Variants in VPS13D observed in about 807,000 individuals in gnomAD.
VPS13D encodes the protein vacuolar protein sorting 13 homolog D, also known as intermembrane lipid transfer protein VPS13D.
VPS13D carries 187 observed loss-of-function variants against 461.9 expected under a neutral mutation model. The ratio of observed to expected loss-of-function variants is 0.40; its 90% CI spans 0.36 to 0.46. The LOEUF is 0.46. Ranked by LOEUF, VPS13D falls within the 20% of genes least tolerant of loss-of-function variation. VPS13D has a pLI of 0.60. For missense variants in VPS13D, 4,711 were observed against 5,364.9 expected (o/e 0.88, Z 3.81); for synonymous variants, 1,951 against 1,986.3 (o/e 0.98, Z 0.47).
intron 63 of VPS13D, among the ~76,000 whole-genome samples, chr1:12,411,194 G>C (rs1022171808): frequency 6.6e-6 from 1 of 152,192 alleles, no homozygotes; most frequent in African/African-American, 2.4e-5. Context: ...TAGAAAACAC[G>C]ATCGTTTACT....
At chr1:12,271,821 T>C (rs1439870876) in intron 17 of VPS13D, among the ~76,000 whole-genome samples, 3 of 152,174 alleles carry the variant, frequency 2.0e-5, no homozygotes, top group African/African-American at 7.2e-5. Context: ...GGTGTGATGA[T>C]TAGGTACTTT....
chr1:12,288,761 T>C (rs1642045305), intron 22 of VPS13D, among the ~76,000 whole-genome samples: 1 of 152,122 alleles, frequency 6.6e-6, no homozygotes, highest in Non-Finnish European at 1.5e-5. Context: ...AGGATATGAC[T>C]GCATCTAGAG....
intron 65 of VPS13D, among the ~76,000 whole-genome samples, chr1:12,427,462 T>A (rs1644937219): frequency 6.6e-6 from 1 of 151,968 alleles, no homozygotes; most frequent in African/African-American, 2.4e-5. Flanking sequence ...ATTCATTAAT[T>A]TAACCAACCA....
At chr1:12,293,967 T>C (rs185238226) in intron 24 of VPS13D, among the ~76,000 whole-genome samples, 25 of 152,376 alleles carry the variant, frequency 1.6e-4, no homozygotes, top group African/African-American at 5.8e-4. Context: ...TTAAGACTTC[T>C]GGTCCCTTTT....
intron 50 of VPS13D, among the ~76,000 whole-genome samples, chr1:12,360,048 C>T (rs1361269519): frequency 6.6e-6 from 1 of 152,162 alleles, no homozygotes; most frequent in African/African-American, 2.4e-5. Flanking sequence ...AGAATTCTTG[C>T]AGAGGCCAGT....
At position 12,355,908 on chromosome 1, in the gene VPS13D, T is replaced by C; in HGVS notation, c.9689T>C (p.Leu3230Pro). Reference sequence around the variant, plus strand: ...TTTGTATCTTCTTTAGGGGTATCACTGGAGAATTTCCCCCTCTGTAAAGAA... The same window carrying C: ...TTTGTATCTTCTTTAGGGGTATCACCGGAGAATTTCCCCCTCTGTAAAGAA... ...TSQNIELGVS[L>P]ENFPLCKELL... Residue 3230 changes from leucine (L) to proline (P), a missense_variant, in exon 48 of 70, where the codon CTG becomes CCG. By Grantham distance (98) the Leu-to-Pro change is moderately conservative. Coordinates refer to ENST00000620676, the MANE Select transcript of VPS13D (RefSeq NM_015378.4). 6.3e-7 allele frequency: 1 copy of C among 1,585,328 alleles called. No individual in the cohort carries two copies. Among genetic ancestry groups the C allele is most frequent in the South Asian group, 1.1e-5 (1 of 88,366 alleles).
intron 23 of VPS13D, 151 bp from the exon 24 acceptor site, chr1:12,293,373 T>C (rs1007753040): frequency 1.3e-5 from 9 of 687,936 alleles, no homozygotes; most frequent in Non-Finnish European, 7.0e-6. Flanking sequence ...AAGGAGTAAT[T>C]ATTAGAGTTT....
chr1:12,419,315 A>G (rs1468386138), intron 65 of VPS13D, among the ~76,000 whole-genome samples: 3 of 152,188 alleles, frequency 2.0e-5, no homozygotes, highest in Non-Finnish European at 4.4e-5. Context: ...TTAATAAGCT[A>G]CTAGTATTGG....
intron 43 of VPS13D, among the ~76,000 whole-genome samples, chr1:12,346,352 C>G (rs942374405): frequency 7.2e-5 from 11 of 152,122 alleles, no homozygotes; most frequent in African/African-American, 2.7e-4. Flanking sequence ...ATGACAGGAC[C>G]AGTTCCCTCA....
chr1:12,392,427 C>T (rs1006342416), intron 60 of VPS13D, among the ~76,000 whole-genome samples: 13 of 150,076 alleles, frequency 8.7e-5, no homozygotes, highest in Non-Finnish European at 1.5e-4. Context: ...TGCAGTGAGC[C>T]GAGACCACTC....
chr1:12,265,619 T>C (rs1160347447), intron 13 of VPS13D, among the ~76,000 whole-genome samples: 2 of 152,204 alleles, frequency 1.3e-5, no homozygotes, highest in African/African-American at 4.8e-5. Context: ...AACAGGAGTT[T>C]GGAAGAAATC....
intron 45 of VPS13D, 53 bp downstream of exon 45, chr1:12,349,026 G>A: frequency 1.2e-6 from 2 of 1,610,670 alleles, no homozygotes; most frequent in Non-Finnish European, 1.7e-6. Context: ...CTTCTTGACT[G>A]TTGTCAAGTC....
At chr1:12,278,680 A>G (rs1253183966) in intron 19 of VPS13D, among the ~76,000 whole-genome samples, 2 of 152,192 alleles carry the variant, frequency 1.3e-5, no homozygotes, top group Non-Finnish European at 2.9e-5. Context: ...AATTTGGTCA[A>G]ATATATCTGA....
intron 39 of VPS13D, chr1:12,337,283 C>G (rs1305061039): frequency 1.3e-5 from 2 of 152,116 alleles, no homozygotes; most frequent in African/African-American, 4.8e-5. Context: ...GATGGTAGTA[C>G]AGTACATTCC....
At chr1:12,372,663 C>T (rs1198567808) in intron 54 of VPS13D, among the ~76,000 whole-genome samples, 2 of 151,808 alleles carry the variant, frequency 1.3e-5, no homozygotes, top group Non-Finnish European at 2.9e-5. Flanking sequence ...TTTCTTTTTA[C>T]TTTTAGATTG....
At chr1:12,281,019 A>T (rs1200761876) in intron 20 of VPS13D, among the ~76,000 whole-genome samples, 1 of 150,834 alleles carries the variant, frequency 6.6e-6, no homozygotes, top group East Asian at 1.9e-4. Flanking sequence ...TGTGCCCATC[A>T]CTCTGATTCC....
At chr1:12,290,721 TA>T (rs753945712) in intron 22 of VPS13D, among the ~76,000 whole-genome samples, 4,655 of 134,930 alleles carry the variant, frequency 0.034, 92 homozygotes, top group African/African-American at 0.057. Context: ...AGACTCTGTC[TA>T]AAAAAAAAAA....
At position 12,249,091 on chromosome 1, in the gene VPS13D, G is replaced by A. The variant is rs1351075770; in HGVS notation, c.448-132G>A. 6.3e-6 allele frequency: 4 copies of A among 638,084 alleles called. No homozygotes were observed. In the African/African-American group the frequency reaches 7.4e-5, roughly 12 times the overall value. 39.5% of individuals were successfully genotyped at this position (638,084 alleles called of 1,614,324 possible). ...GTGCCTGGTGTGGTTTCCTTTAGTG[G>A]CTCAAGGGCAGTTTGACCCCTAACT... On this transcript the variant is annotated intron_variant, in intron 5 of 69. Transcript: ENST00000620676.
chr1:12,377,441 T>C (rs189232856), intron 55 of VPS13D, among the ~76,000 whole-genome samples: 16 of 152,348 alleles, frequency 1.1e-4, no homozygotes, highest in Admixed American at 8.5e-4. Context: ...ACTTCTAGTA[T>C]ATAATGGATT....
Sources: gnomAD v4.1 joint callset for allele counts (sites outside exome capture counted in the v4.1 genomes callset) on GRCh38, gnomAD v4.1.1 for gene constraint, MANE v1.5 for transcripts, NCBI Gene and HGNC (gene_info 2026-07-23, HGNC 2026-07-21) for gene names.